Variants in GABRG3 observed in about 807,000 individuals in gnomAD.
The protein encoded by GABRG3 is gamma-aminobutyric acid type A receptor subunit gamma3.
A neutral mutation model predicts 48.8 loss-of-function variants in GABRG3; 25 were observed. The ratio of observed to expected loss-of-function variants is 0.51; its 90% confidence interval spans 0.37 to 0.72. The LOEUF is 0.72. Ranked by LOEUF, GABRG3 falls within the 30% of genes least tolerant of loss-of-function variation. GABRG3 has a pLI of 0.00. For missense variants in GABRG3, 394 were observed against 577.9 expected (o/e 0.68, Z 3.26); for synonymous variants, 227 against 217.6 (o/e 1.04, Z -0.38).
intron 3 of GABRG3, among the ~76,000 whole-genome samples, chr15:27,156,085 G>A (rs2140399747): frequency 6.6e-6 from 1 of 152,082 alleles, no homozygotes; most frequent in Admixed American, 6.5e-5. Flanking sequence ...GGATCATGAG[G>A]TCAAGAGATC....
intron 5 of GABRG3, among the ~76,000 whole-genome samples, chr15:27,475,827 GTGA>G (rs1889924510): frequency 6.6e-6 from 1 of 151,800 alleles, no homozygotes; most frequent in Non-Finnish European, 1.5e-5. Context: ...GATGGTGATG[GTGA>G]TGATGGTATT....
At chr15:27,277,297 GT>G (rs1281056881) in intron 3 of GABRG3, among the ~76,000 whole-genome samples, 2 of 152,244 alleles carry the variant, frequency 1.3e-5, no homozygotes, top group African/African-American at 4.8e-5. Flanking sequence ...CATGCAAAAA[GT>G]GTGACAGATG....
chr15:27,253,195 C>G (rs563940894), intron 3 of GABRG3, among the ~76,000 whole-genome samples: 4 of 152,184 alleles, frequency 2.6e-5, no homozygotes, highest in Non-Finnish European at 1.5e-5. Flanking sequence ...AAGAAGGCAC[C>G]GCAAAGGCTG....
chr15:27,311,751 A>G (rs1484985699), intron 3 of GABRG3, among the ~76,000 whole-genome samples: 1 of 152,098 alleles, frequency 6.6e-6, no homozygotes, highest in East Asian at 1.9e-4. Flanking sequence ...GACACAGTAT[A>G]TTCTAGATGC....
Position 27,120,121 on chromosome 15 carries a change from C to A in GABRG3, c.270+93300C>A, listed in dbSNP as rs558079421. On this transcript the variant is annotated intron_variant, in intron 3 of 9. Transcript: ENST00000615808. ...TGAATTCACTGCTAACAGGAAATGT[C>A]AGGAAATTTCATATTAAAACTCCAT... 2.2e-4 allele frequency among the ~76,000 whole-genome samples: 34 copies of A among 152,292 alleles called. 1 individual carries two copies. The highest frequency in any genetic ancestry group is 7.9e-4 in the African/African-American group (33 of 41,576).
intron 3 of GABRG3, among the ~76,000 whole-genome samples, chr15:27,195,206 A>G (rs962002039): frequency 2.0e-5 from 3 of 152,182 alleles, no homozygotes; most frequent in Non-Finnish European, 4.4e-5. Flanking sequence ...TTGTCCGACA[A>G]TTTCAGCATC....
At chr15:27,090,335 A>T (rs1355241815) in intron 3 of GABRG3, among the ~76,000 whole-genome samples, 1 of 152,252 alleles carries the variant, frequency 6.6e-6, no homozygotes, top group Admixed American at 6.5e-5. Flanking sequence ...TATTTTACTT[A>T]AAGTATTTTC....
chr15:27,437,499 A>G (rs1888655101), intron 5 of GABRG3, among the ~76,000 whole-genome samples: 1 of 152,146 alleles, frequency 6.6e-6, no homozygotes, highest in Non-Finnish European at 1.5e-5. Flanking sequence ...GTCCCTGCTC[A>G]CTTCCAGTAG....
intron 3 of GABRG3, among the ~76,000 whole-genome samples, chr15:27,199,487 G>A (rs1012334539): frequency 2.6e-5 from 4 of 152,066 alleles, no homozygotes; most frequent in Non-Finnish European, 5.9e-5. Context: ...GAATGTGATC[G>A]CCAGGGGCCT....
chr15:27,219,567 T>C (rs1321102617), intron 3 of GABRG3, among the ~76,000 whole-genome samples: 1 of 152,112 alleles, frequency 6.6e-6, no homozygotes, highest in Non-Finnish European at 1.5e-5. Context: ...GGATGCAGCA[T>C]CCCACCCCTC....
chr15:27,513,244 G>A (rs538063831), intron 6 of GABRG3, among the ~76,000 whole-genome samples: 20 of 152,100 alleles, frequency 1.3e-4, no homozygotes, highest in African/African-American at 4.1e-4. Flanking sequence ...TCAGGAGATC[G>A]AGACCATCCT....
intron 3 of GABRG3, among the ~76,000 whole-genome samples, chr15:27,141,417 T>A (rs1171293685): frequency 6.6e-6 from 1 of 152,198 alleles, no homozygotes; most frequent in African/African-American, 2.4e-5. Flanking sequence ...TTTCTAGGGC[T>A]CTCTGGTTCC....
intron 2 of GABRG3, among the ~76,000 whole-genome samples, chr15:27,004,393 G>A (rs924487118): frequency 1.1e-4 from 17 of 151,386 alleles, no homozygotes; most frequent in Non-Finnish European, 1.5e-4. Context: ...ATGTGATGGC[G>A]GCCGGGAAGA....
At chr15:27,306,850 T>C (rs1892528740) in intron 3 of GABRG3, among the ~76,000 whole-genome samples, 1 of 87,146 alleles carries the variant, frequency 1.1e-5, no homozygotes, top group African/African-American at 5.7e-5. Context: ...TGTTTATATA[T>C]AAACATACAA....
intron 5 of GABRG3, among the ~76,000 whole-genome samples, chr15:27,394,297 C>T (rs958339529): frequency 7.2e-5 from 11 of 152,230 alleles, no homozygotes; most frequent in African/African-American, 2.6e-4. Flanking sequence ...CACCATAAAG[C>T]AATCCAGCTC....
At chr15:26,988,579 T>A (rs1895191390) in intron 2 of GABRG3, among the ~76,000 whole-genome samples, 1 of 152,044 alleles carries the variant, frequency 6.6e-6, no homozygotes, top group African/African-American at 2.4e-5. Flanking sequence ...ATCTTGCCTT[T>A]AATAAAAAAG....
At chr15:27,009,950 C>T (rs1895655529) in intron 2 of GABRG3, among the ~76,000 whole-genome samples, 1 of 151,806 alleles carries the variant, frequency 6.6e-6, no homozygotes, top group Non-Finnish European at 1.5e-5. Flanking sequence ...ATTCTTCTTT[C>T]TTCTTCTTTT....
intron 3 of GABRG3, among the ~76,000 whole-genome samples, chr15:27,191,332 T>G (rs1450417731): frequency 6.6e-6 from 1 of 152,154 alleles, no homozygotes; most frequent in Non-Finnish European, 1.5e-5. Flanking sequence ...GGTGTTAAAG[T>G]CTCCCATTAT....
At chr15:27,449,893 T>C (rs1413986562) in intron 5 of GABRG3, among the ~76,000 whole-genome samples, 1 of 152,256 alleles carries the variant, frequency 6.6e-6, no homozygotes, top group African/African-American at 2.4e-5. Flanking sequence ...GAAAATGAAA[T>C]GCACTTCTTA....
Sources: allele counts gnomAD v4.1 joint callset (sites outside exome capture counted in the v4.1 genomes callset), GRCh38; gene constraint gnomAD v4.1.1; transcripts MANE v1.5; gene names NCBI Gene and HGNC (gene_info 2026-07-23, HGNC 2026-07-21).